Variants in RBFOX1 observed in about 807,000 individuals in gnomAD.
RBFOX1 encodes the protein RNA binding protein fox-1 homolog 1.
Under a neutral mutation model 57.7 loss-of-function variants are expected in RBFOX1, and 8 were observed. The observed-to-expected ratio is 0.14, with a 90% CI of 0.08 to 0.25. RBFOX1 has a LOEUF of 0.25. Ranked by LOEUF, RBFOX1 falls within the 10% of genes least tolerant of loss-of-function variation. The probability of loss-of-function intolerance (pLI) is 1.00; values close to 1 mark genes in which losing one functional copy is unlikely to be tolerated. For missense variants in RBFOX1, 611 were observed against 548.5 expected (o/e 1.11, Z -1.14); for synonymous variants, 326 against 222.4 (o/e 1.47, Z -4.15).
At chr16:6,716,633 C>G (rs1050616359) in intron 3 of RBFOX1, among the ~76,000 whole-genome samples, 3 of 152,206 alleles carry the variant, frequency 2.0e-5, no homozygotes, top group African/African-American at 7.2e-5. Flanking sequence ...TAACACTCCC[C>G]TTGGACCCCA....
chr16:5,820,566 C>G (rs1440301576), intron 3 of RBFOX1, among the ~76,000 whole-genome samples: 1 of 152,144 alleles, frequency 6.6e-6, no homozygotes, highest in Non-Finnish European at 1.5e-5. Context: ...CTTCCCCCAC[C>G]TGCTTTTGTG....
chr16:7,057,877 G>T (rs529473823), intron 4 of RBFOX1, among the ~76,000 whole-genome samples: 83 of 152,000 alleles, frequency 5.5e-4, no homozygotes, highest in African/African-American at 2.0e-3. Context: ...GCATGGTGGC[G>T]GGCGCCTGTA....
rs57523660 is a variant in RBFOX1 at position 6,278,377 on chromosome 16, C to CAAAAAAAAA, written c.-126-38591_-126-38583dup. 5.3e-4 allele frequency among the ~76,000 whole-genome samples: 15 copies of CAAAAAAAAA among 28,070 alleles called. 3 individuals carry two copies. Among genetic ancestry groups the CAAAAAAAAA allele is most frequent in the African/African-American group, 1.3e-3 (10 of 7,944 alleles). The allele number at this position is 28,070 out of a possible 152,430, so 18.4% of individuals were successfully genotyped here. A position where few individuals can be genotyped will look rare whatever the true frequency, so the allele number is the denominator to read the frequency against. On this transcript the variant is annotated intron_variant, in intron 1 of 15. Transcript: ENST00000550418. ...AACTGGGGGAAATTGTAGGACTCAC[C>CAAAAAAAAA]AAAAAAAAAAAAAAAAAAAAAAAAA...
chr16:7,399,195 C>G (rs762382989), intron 4 of RBFOX1, among the ~76,000 whole-genome samples: 1 of 152,206 alleles, frequency 6.6e-6, no homozygotes, highest in Non-Finnish European at 1.5e-5. Flanking sequence ...CGCCTGTTAT[C>G]CCAACATTTT....
chr16:5,699,937 C>T (rs2050978807), intron 3 of RBFOX1, among the ~76,000 whole-genome samples: 1 of 152,128 alleles, frequency 6.6e-6, no homozygotes, highest in Non-Finnish European at 1.5e-5. Flanking sequence ...GGGTTCACGC[C>T]ATTCTCCTGC....
chr16:7,567,461 C>CTATA (rs760138486), intron 5 of RBFOX1, among the ~76,000 whole-genome samples: 1 of 32,794 alleles, frequency 3.0e-5, no homozygotes, highest in Non-Finnish European at 5.7e-5. Flanking sequence ...ATGTATGGCC[C>CTATA]TATATATATA....
chr16:5,803,211 C>G (rs891120336), intron 3 of RBFOX1, among the ~76,000 whole-genome samples: 6 of 152,170 alleles, frequency 3.9e-5, no homozygotes, highest in African/African-American at 1.4e-4. Flanking sequence ...TTCCATACCT[C>G]AGTACCCCGT....
At chr16:7,322,322 C>G (rs557612254) in intron 4 of RBFOX1, among the ~76,000 whole-genome samples, 35 of 152,362 alleles carry the variant, frequency 2.3e-4, no homozygotes, top group African/African-American at 8.4e-4. Context: ...ACCTTGAAAA[C>G]CTGCCCCCTG....
At chr16:5,374,176 G>C (rs12919064) in intron 1 of RBFOX1, among the ~76,000 whole-genome samples, 21,892 of 152,296 alleles carry the variant, frequency 0.14, 2,168 homozygotes, top group Non-Finnish European at 0.2. Flanking sequence ...GAGCTCAGCT[G>C]TTCCACCCAC....
chr16:5,631,078 G>C lies in RBFOX1; in HGVS notation c.318+32117G>C, dbSNP rs549122584. Among the ~76,000 whole-genome samples, 4 of 152,324 alleles carry C rather than the reference G, an allele frequency of 2.6e-5. No homozygotes were observed. In the East Asian group the frequency reaches 7.7e-4, roughly 29 times the overall value. On this transcript the variant is annotated intron_variant, in intron 3 of 19. Coordinates refer to the RBFOX1 transcript ENST00000641259. ...CCAAACCAGTCCCCAAAACGTGACT[G>C]TTGGCACTCAGAGGTGCTGCATCTA...
At chr16:5,244,174 G>A (rs551452611) in intron 1 of RBFOX1, among the ~76,000 whole-genome samples, 8 of 152,200 alleles carry the variant, frequency 5.3e-5, no homozygotes, top group African/African-American at 1.4e-4. Flanking sequence ...TGAGATCACA[G>A]GTGTGAGCCA....
intron 2 of RBFOX1, among the ~76,000 whole-genome samples, chr16:6,566,932 G>C (rs1567709229): frequency 6.6e-6 from 1 of 152,124 alleles, no homozygotes; most frequent in Non-Finnish European, 1.5e-5. Context: ...ACAAAAAATT[G>C]ACATGTTGGA....
chr16:5,788,108 G>A (rs1174244809), intron 3 of RBFOX1, among the ~76,000 whole-genome samples: 1 of 152,170 alleles, frequency 6.6e-6, no homozygotes, highest in Non-Finnish European at 1.5e-5. Context: ...CCTAGGCGGA[G>A]ATTCGACTGC....
At chr16:7,292,430 T>G (rs963008841) in intron 4 of RBFOX1, among the ~76,000 whole-genome samples, 1 of 142,820 alleles carries the variant, frequency 7.0e-6, no homozygotes, top group Non-Finnish European at 1.5e-5. Context: ...TATAAGGTAT[T>G]ATATATAATA....
intron 3 of RBFOX1, among the ~76,000 whole-genome samples, chr16:6,904,908 A>G (rs886147805): frequency 1.3e-5 from 2 of 152,164 alleles, no homozygotes; most frequent in South Asian, 2.1e-4. Context: ...CCTGTTCCCA[A>G]TTCCCTCAGA....
intron 4 of RBFOX1, among the ~76,000 whole-genome samples, chr16:7,342,992 G>A (rs1053587906): frequency 6.6e-6 from 1 of 152,130 alleles, no homozygotes; most frequent in African/African-American, 2.4e-5. Context: ...AGAACATGCT[G>A]GGACTGGAAC....
At chr16:6,387,124 A>C (rs1189755506) in intron 2 of RBFOX1, among the ~76,000 whole-genome samples, 1 of 152,218 alleles carries the variant, frequency 6.6e-6, no homozygotes, top group African/African-American at 2.4e-5. Flanking sequence ...ATGAACTTCA[A>C]ATCCATGCCT....
intron 3 of RBFOX1, among the ~76,000 whole-genome samples, chr16:5,788,366 C>T (rs2054579926): frequency 6.6e-6 from 1 of 152,114 alleles, no homozygotes; most frequent in Non-Finnish European, 1.5e-5. Flanking sequence ...TGGTGGCTCA[C>T]ACCTGTAATC....
At chr16:6,718,127 C>G (rs566955204) in intron 3 of RBFOX1, among the ~76,000 whole-genome samples, 3 of 152,288 alleles carry the variant, frequency 2.0e-5, no homozygotes, top group East Asian at 1.9e-4. Context: ...TTACAGAAGA[C>G]CTGATCACTG....
Sources: allele counts gnomAD v4.1 joint callset (sites outside exome capture counted in the v4.1 genomes callset), GRCh38; gene constraint gnomAD v4.1.1; transcripts MANE v1.5; gene names NCBI Gene and HGNC (gene_info 2026-07-23, HGNC 2026-07-21).